The following CSMD3 variants were observed in gnomAD, a reference collection of about 807,000 sequenced individuals.
The protein encoded by CSMD3 is CUB and Sushi multiple domains 3.
CSMD3 carries 177 observed loss-of-function variants against 435.2 expected under a neutral mutation model. The observed-to-expected ratio is 0.41, with a 90% confidence interval of 0.36 to 0.46. CSMD3 has a LOEUF of 0.46. CSMD3 is among the 20% of genes least tolerant of loss of function. The probability of loss-of-function intolerance (pLI) is 0.34; values close to 1 mark genes in which losing one functional copy is unlikely to be tolerated. For missense variants in CSMD3, 4,265 were observed against 4,504.6 expected (o/e 0.95, Z 1.52); for synonymous variants, 1,656 against 1,520.5 (o/e 1.09, Z -2.07).
chr8:112,502,482 A>G (rs1184664271), intron 30 of CSMD3, among the ~76,000 whole-genome samples: 5 of 152,192 alleles, frequency 3.3e-5, no homozygotes, highest in Non-Finnish European at 2.9e-5. Context: ...CCAAGTGATG[A>G]CAGAGATATC....
intron 24 of CSMD3, among the ~76,000 whole-genome samples, chr8:112,563,134 G>C (rs1828785141): frequency 6.6e-6 from 1 of 151,532 alleles, no homozygotes; most frequent in Admixed American, 6.6e-5. Context: ...AGAATATAAA[G>C]GGAATAAAGA....
intron 27 of CSMD3, among the ~76,000 whole-genome samples, chr8:112,521,423 G>T (rs1255835018): frequency 6.6e-6 from 1 of 151,852 alleles, no homozygotes; most frequent in African/African-American, 2.4e-5. Context: ...CCTTCTTCAA[G>T]CACTGTTTTT....
chr8:113,429,826 C>T (rs2094659892), intron 1 of CSMD3, among the ~76,000 whole-genome samples: 1 of 152,018 alleles, frequency 6.6e-6, no homozygotes, highest in Non-Finnish European at 1.5e-5. Context: ...TTGAAAACTA[C>T]CAAAAATTAC....
intron 30 of CSMD3, among the ~76,000 whole-genome samples, chr8:112,493,346 AC>A (rs1490619418): frequency 3.3e-5 from 5 of 152,166 alleles, no homozygotes; most frequent in African/African-American, 9.6e-5. Flanking sequence ...CCCTTATAAA[AC>A]GTCTTTATTT....
intron 1 of CSMD3, among the ~76,000 whole-genome samples, chr8:113,423,756 A>T (rs1442179828): frequency 6.6e-6 from 1 of 151,908 alleles, no homozygotes; most frequent in Non-Finnish European, 1.5e-5. Context: ...GATTGTTGAA[A>T]ATTCACCCTG....
At chr8:113,262,145 G>A (rs955017154) in intron 3 of CSMD3, among the ~76,000 whole-genome samples, 6 of 151,892 alleles carry the variant, frequency 4.0e-5, no homozygotes, top group Non-Finnish European at 8.8e-5. Flanking sequence ...GACAAATGAA[G>A]CCATTTGAAG....
intron 3 of CSMD3, among the ~76,000 whole-genome samples, chr8:113,251,222 TTATCAA>T (rs1275828194): frequency 4.6e-5 from 7 of 152,064 alleles, no homozygotes; most frequent in African/African-American, 1.7e-4. Flanking sequence ...AGCTCATTGA[TTATCAA>T]TGTCTCATTC....
At chr8:113,356,416 T>A (rs1311871382) in intron 1 of CSMD3, among the ~76,000 whole-genome samples, 1 of 152,128 alleles carries the variant, frequency 6.6e-6, no homozygotes, top group African/African-American at 2.4e-5. Flanking sequence ...ATTGGTCAGC[T>A]TTTTTTGTGG....
At chr8:113,266,994 GA>G (rs1377457757) in intron 3 of CSMD3, among the ~76,000 whole-genome samples, 3 of 151,476 alleles carry the variant, frequency 2.0e-5, no homozygotes, top group Non-Finnish European at 3.0e-5. Flanking sequence ...ACAGGTATAT[GA>G]AAAAAATTTC....
chr8:112,663,668 A>T (rs542417105), intron 17 of CSMD3, among the ~76,000 whole-genome samples: 2 of 152,136 alleles, frequency 1.3e-5, no homozygotes, highest in East Asian at 3.9e-4. Flanking sequence ...TTGGGATAAG[A>T]GAGGGGATTG....
chr8:112,738,400 T>G (rs961482532), intron 13 of CSMD3, among the ~76,000 whole-genome samples: 1 of 151,806 alleles, frequency 6.6e-6, no homozygotes, highest in African/African-American at 2.4e-5. Flanking sequence ...ATGAAATTAT[T>G]CACTAATGAA....
At chr8:112,912,113 C>T (rs1388606184) in intron 10 of CSMD3, among the ~76,000 whole-genome samples, 5 of 148,364 alleles carry the variant, frequency 3.4e-5, no homozygotes, top group African/African-American at 1.2e-4. Flanking sequence ...TAACATATAT[C>T]CATTATATAT....
intron 31 of CSMD3, among the ~76,000 whole-genome samples, chr8:112,486,397 G>A (rs960995145): frequency 2.0e-5 from 3 of 152,006 alleles, no homozygotes; most frequent in Admixed American, 6.6e-5. Context: ...ACCTCTCTCT[G>A]TGTCTTGGTT....
In CSMD3 at chr8:113,302,693, T is replaced by A. The variant is rs902856320; in HGVS notation, c.401+11878A>T. ...TATCTCAATAGATGCAGAAAAAGCCTTTGACAAAATTCAACAACCCTTCAT... is the reference window on the plus strand; with the variant it reads ...TATCTCAATAGATGCAGAAAAAGCCATTGACAAAATTCAACAACCCTTCAT... On this transcript the variant is annotated intron_variant, in intron 2 of 70. Transcript: ENST00000297405. Among the ~76,000 whole-genome samples the A allele has an allele frequency of 4.6e-5, 7 of 151,598 alleles. No individual in the cohort carries two copies. In the Middle Eastern group the frequency reaches 0.01, roughly 221 times the overall value.
intron 23 of CSMD3, among the ~76,000 whole-genome samples, chr8:112,576,606 T>C (rs1359133469): frequency 6.6e-6 from 1 of 151,964 alleles, no homozygotes; most frequent in Non-Finnish European, 1.5e-5. Context: ...TATGACTCAC[T>C]GCAGCCTCAA....
At chr8:112,742,098 C>A (rs1215610710) in intron 13 of CSMD3, among the ~76,000 whole-genome samples, 1 of 151,776 alleles carries the variant, frequency 6.6e-6, no homozygotes, top group Non-Finnish European at 1.5e-5. Context: ...TGTGTTACTA[C>A]TTACTTTTCC....
At chr8:112,911,348 A>G (rs1383409315) in intron 10 of CSMD3, among the ~76,000 whole-genome samples, 3 of 151,954 alleles carry the variant, frequency 2.0e-5, no homozygotes, top group Non-Finnish European at 4.4e-5. Flanking sequence ...GAAAAATTAA[A>G]TCAAGCTAAT....
intron 16 of CSMD3, among the ~76,000 whole-genome samples, chr8:112,677,746 C>T (rs2075799894): frequency 2.0e-5 from 3 of 151,914 alleles, no homozygotes; most frequent in Admixed American, 2.0e-4. Context: ...CACAACTTCA[C>T]AACAAAAAAT....
intron 9 of CSMD3, among the ~76,000 whole-genome samples, chr8:112,934,925 T>A (rs540069906): frequency 6.6e-6 from 1 of 152,180 alleles, no homozygotes; most frequent in South Asian, 2.1e-4. Flanking sequence ...TAACCCTTTT[T>A]CTGATTTTGT....
Sources: gnomAD v4.1 joint callset for allele counts (sites outside exome capture counted in the v4.1 genomes callset) on GRCh38, gnomAD v4.1.1 for gene constraint, MANE v1.5 for transcripts, NCBI Gene and HGNC (gene_info 2026-07-23, HGNC 2026-07-21) for gene names.